Variants in CLINT1 observed in about 807,000 individuals in gnomAD.
The protein encoded by CLINT1 is clathrin interactor 1.
A neutral mutation model predicts 70.4 loss-of-function variants in CLINT1; 15 were observed. The observed-to-expected ratio is 0.21, with a 90% CI of 0.14 to 0.33. CLINT1 has a LOEUF of 0.33. Among genes scored for constraint, CLINT1 ranks in the 10% least tolerant of loss-of-function variants. The pLI, the probability that CLINT1 is intolerant of heterozygous loss-of-function variation, is 1.00. For missense variants in CLINT1, 615 were observed against 778.1 expected, an observed-to-expected ratio of 0.79 and a Z score of 2.49; for synonymous variants, 227 against 254.7, an observed-to-expected ratio of 0.89 and a Z score of 1.04.
chr5:157,806,175 G>C (rs1762378196), intron 6 of CLINT1, 63 bp from the exon 7 acceptor site: 1 of 1,533,846 alleles, frequency 6.5e-7, no homozygotes. Context: ...GGGTCCCTCA[G>C]TGATTTGAGC....
In CLINT1 at chr5:157,791,717, T is replaced by G. The variant is rs200378943; in HGVS notation, c.1366A>C (p.Met456Leu). 6.2e-7 allele frequency: 1 copy of G among 1,612,394 alleles called. No individual in the cohort carries two copies. The highest frequency in any genetic ancestry group is 1.1e-5 in the South Asian group (1 of 90,874). Residue 456 changes from methionine (M) to leucine (L), a missense_variant, in exon 10 of 12, where the codon ATG (methionine) becomes CTG (leucine). Coordinates refer to ENST00000411809, the MANE Select transcript of CLINT1 (RefSeq NM_014666.4). ...STNTVGLGLPMSRSQNTDMVQ... is the reference protein window; with the variant it reads ...STNTVGLGLPLSRSQNTDMVQ... ...AGACAACTTACCTGTGATCTTGACA[T>G]AGGCAAACCAAGTCCCACAGTGTTA...
chr5:157,843,133 A>G (rs1753246352), intron 1 of CLINT1, among the ~76,000 whole-genome samples: 1 of 152,172 alleles, frequency 6.6e-6, no homozygotes, highest in Non-Finnish European at 1.5e-5. Flanking sequence ...AAATTTTTAG[A>G]GTAAAAATTT....
chr5:157,844,501 A>G (rs1753301823), intron 1 of CLINT1, among the ~76,000 whole-genome samples: 1 of 152,174 alleles, frequency 6.6e-6, no homozygotes, highest in African/African-American at 2.4e-5. Context: ...TTTAATAAGC[A>G]CTCAGTGAAG....
At position 157,789,438 on chromosome 5, in the gene CLINT1, G is replaced by C; in HGVS notation, c.1456C>G (p.Leu486Val). 1 of 1,613,964 alleles carries C rather than the reference G, an allele frequency of 6.2e-7. No individual in the cohort carries two copies. Among genetic ancestry groups the C allele is most frequent in the South Asian group, 1.1e-5 (1 of 91,082 alleles). Residue 486 changes from leucine (L) to valine (V), a missense_variant, in exon 11 of 12, where the codon CTA (leucine) becomes GTA (valine). Physicochemically the swap from Leu to Val is conservative, Grantham distance 32 (BLOSUM62 1). Transcript: ENST00000411809. ...TGCATACCAGGTAGTAAGTTGTCTA[G>C]GCTGATGTTTACACTGGGGTCAGAC... ...TWSDPSVNIS[L>V]DNLLPGMQPS... is the part of the protein sequence containing the mutation.
chr5:157,816,717 C>G lies in CLINT1; in HGVS notation c.243+17G>C. The G allele has an allele frequency of 6.4e-7, 1 of 1,559,858 alleles. No individual in the cohort carries two copies. Among genetic ancestry groups the G allele is most frequent in the Non-Finnish European group, 8.8e-7 (1 of 1,135,862 alleles). ...TTTTCAACATGTCAAGTAATTAAAG[C>G]AGACTTGTGTCCATACCTTATAAAC... is the stretch of plus-strand genomic sequence containing the variant. On this transcript the variant is annotated intron_variant, in intron 3 of 11. Transcript: ENST00000411809.
Position 157,858,975 on chromosome 5 carries a change from C to A in CLINT1, c.-5G>T. On this transcript the variant is annotated 5_prime_UTR_variant, in exon 1 of 12. Coordinates refer to ENST00000411809, the MANE Select transcript of CLINT1 (RefSeq NM_014666.4). ...CACCTTCCACATGTTCAACATCGTG[C>A]CCCGCGCGGGACGGTCCGCCGCCTC... The A allele has an allele frequency of 1.2e-6, 2 of 1,609,742 alleles. No individual in the cohort carries two copies. The highest frequency in any genetic ancestry group is 1.3e-5 in the African/African-American group (1 of 74,684).
At chr5:157,798,842 C>G (rs1762136052) in intron 8 of CLINT1, among the ~76,000 whole-genome samples, 1 of 151,860 alleles carries the variant, frequency 6.6e-6, no homozygotes, top group Non-Finnish European at 1.5e-5. Context: ...GTCTAGAAAA[C>G]AAGGGATTAA....
intron 6 of CLINT1, among the ~76,000 whole-genome samples, chr5:157,807,973 CTGTT>C (rs1762435953): frequency 1.3e-5 from 2 of 152,084 alleles, no homozygotes; most frequent in African/African-American, 2.4e-5. Flanking sequence ...TTTTTCAAGA[CTGTT>C]TGAAAAACTG....
chr5:157,795,169 C>T (rs1762030074), intron 8 of CLINT1, 197 bp from the exon 9 acceptor site: 2 of 584,334 alleles, frequency 3.4e-6, no homozygotes, highest in Non-Finnish European at 3.1e-6. Context: ...TTTTCCCTTC[C>T]TCAGTCCTAT....
At chr5:157,833,817 T>A (rs1763326507) in intron 1 of CLINT1, among the ~76,000 whole-genome samples, 1 of 151,852 alleles carries the variant, frequency 6.6e-6, no homozygotes, top group South Asian at 2.1e-4. Flanking sequence ...GGTGTGCACC[T>A]GCAGTCCCAG....
Position 157,858,831 on chromosome 5 carries a change from G to A in CLINT1, c.41+99C>T, listed in dbSNP as rs976259275. 1.4e-5 allele frequency: 18 copies of A among 1,301,614 alleles called. No homozygotes were observed. The Admixed American group carries it at 3.7e-4, about 27-fold the overall frequency. 80.6% of individuals were successfully genotyped at this position (1,301,614 alleles called of 1,614,324 possible). A position where few individuals can be genotyped will look rare whatever the true frequency, so the allele number is the denominator to read the frequency against. On this transcript the variant is annotated intron_variant, in intron 1 of 11. Coordinates refer to ENST00000411809, the MANE Select transcript of CLINT1 (RefSeq NM_014666.4). The stretch of plus-strand genomic sequence containing the variant: ...GCCATGATGGGGCTGGCAGAGCCAG[G>A]GGGCGTGACGTGGGCAACCCCTAGC...
chr5:157,859,047 G>T lies in CLINT1; in HGVS notation c.-77C>A. 6.5e-7 allele frequency: 1 copy of T among 1,547,294 alleles called. No homozygotes were observed. Reference sequence around the variant, plus strand: ...CCCGGAACACTTCCGTACCGGGGCAGTTCCAGGCCGGGGTCACCGCCGCCC... The same window carrying T: ...CCCGGAACACTTCCGTACCGGGGCATTTCCAGGCCGGGGTCACCGCCGCCC... On this transcript the variant is annotated 5_prime_UTR_variant, in exon 1 of 12. The change creates a new upstream start codon in the 5' untranslated region. Coordinates refer to ENST00000411809, the MANE Select transcript of CLINT1 (RefSeq NM_014666.4).
intron 1 of CLINT1, among the ~76,000 whole-genome samples, chr5:157,842,336 A>G (rs1344619856): frequency 6.6e-6 from 1 of 152,306 alleles, no homozygotes; most frequent in East Asian, 1.9e-4. Flanking sequence ...ATAATACACA[A>G]AAATACCCTC....
chr5:157,835,392 TGACTG>T (rs2113280919), intron 1 of CLINT1, among the ~76,000 whole-genome samples: 1 of 152,338 alleles, frequency 6.6e-6, no homozygotes, highest in South Asian at 2.1e-4. Flanking sequence ...AGTGACGTAC[TGACTG>T]GCTAAAGAAA....
intron 1 of CLINT1, among the ~76,000 whole-genome samples, chr5:157,856,047 C>A (rs1753749051): frequency 1.3e-5 from 2 of 152,126 alleles, no homozygotes; most frequent in Non-Finnish European, 2.9e-5. Flanking sequence ...TGAAGTAAAA[C>A]CTCACTGGGT....
chr5:157,801,753 A>C (rs1204605576), intron 8 of CLINT1, among the ~76,000 whole-genome samples: 1 of 152,204 alleles, frequency 6.6e-6, no homozygotes, highest in Non-Finnish European at 1.5e-5. Context: ...GAATTGCTTG[A>C]ATAAAGTTCA....
intron 1 of CLINT1, among the ~76,000 whole-genome samples, chr5:157,837,192 G>A (rs376268867): frequency 2.6e-5 from 4 of 152,094 alleles, no homozygotes; most frequent in East Asian, 1.9e-4. Flanking sequence ...GCTTGAGCCC[G>A]GGAGTTTAAG....
At chr5:157,798,338 G>A (rs1455495827) in intron 8 of CLINT1, among the ~76,000 whole-genome samples, 2 of 152,180 alleles carry the variant, frequency 1.3e-5, no homozygotes, top group African/African-American at 4.8e-5. Context: ...TCCCACATGA[G>A]AACTGTCATT....
intron 5 of CLINT1, among the ~76,000 whole-genome samples, chr5:157,812,606 A>C (rs1187566487): frequency 6.6e-6 from 1 of 152,212 alleles, no homozygotes; most frequent in Non-Finnish European, 1.5e-5. Context: ...ATAAAGAAAG[A>C]GAGACTGAGG....
Sources: allele counts gnomAD v4.1 joint callset (sites outside exome capture counted in the v4.1 genomes callset), GRCh38; gene constraint gnomAD v4.1.1; transcripts MANE v1.5; gene names NCBI Gene and HGNC (gene_info 2026-07-23, HGNC 2026-07-21).